The following FANCD2 variants were observed in gnomAD, a reference collection of about 807,000 sequenced individuals.
FANCD2 encodes the protein FA complementation group D2, also known as Fanconi anemia group D2 protein.
FANCD2 carries 131 observed loss-of-function variants against 192.3 expected under a neutral mutation model. That is an observed-to-expected ratio of 0.68 (90% CI 0.59 to 0.79). The LOEUF is 0.79. FANCD2 is among the 30% of genes least tolerant of loss of function. The pLI, the probability that FANCD2 is intolerant of heterozygous loss-of-function variation, is 0.00. For missense variants in FANCD2, 1,508 were observed against 1,701.6 expected (o/e 0.89, Z 2.00); for synonymous variants, 524 against 612.5 (o/e 0.86, Z 2.13).
rs1007481549 is a variant in FANCD2, at chr3:10,088,543, G to A, written c.3560+1G>A. On this transcript the variant is annotated splice_donor_variant, in intron 35 of 43. Transcript: ENST00000675286. LOFTEE classifies it high-confidence loss of function. ...ATGACCAGCTCCATGCTCTGCTCTG[G>A]TGAGATGTTTGGTTTCTTCCAATGA... 11 of 1,593,552 alleles carry A rather than the reference G, an allele frequency of 6.9e-6. No homozygotes were observed. The highest frequency in any genetic ancestry group is 7.8e-6 in the Non-Finnish European group (9 of 1,161,280).
intron 15 of FANCD2, among the ~76,000 whole-genome samples, 196 bp from the exon 16 acceptor site, chr3:10,047,721 G>T (rs995083574): frequency 2.0e-5 from 3 of 152,200 alleles, no homozygotes; most frequent in African/African-American, 7.2e-5. Flanking sequence ...ATCCAAACGT[G>T]GAATCCCATT....
rs368886461 is a variant in FANCD2 at position 10,101,227 on chromosome 3, C to A, written c.4321C>A (p.Gln1441Lys). The change falls in exon 44 of 44, where the codon CAA becomes AAA. Residue 1441 changes from glutamine to lysine, a missense_variant. Gln to Lys is a moderately conservative substitution (Grantham distance 53, BLOSUM62 1). Around this residue, in one of 5 missense-constraint regions of FANCD2, gnomAD observed 796 missense variants for 879.4 expected, o/e 0.91. Transcript: ENST00000675286. The stretch of plus-strand genomic sequence containing the variant: ...CGAAGTAAGTGCTGGAGAAAAGGAG[C>A]AAGATAGTGATGAGAGTTATGATGA... ...EDEVSAGEKE[Q>K]DSDESYDDSD 1.5e-5 allele frequency: 24 copies of A among 1,613,170 alleles called. No homozygotes were observed. The highest frequency in any genetic ancestry group is 1.6e-4 in the Middle Eastern group (1 of 6,082).
At chr3:10,082,524 G>C (rs998076032) in intron 32 of FANCD2, among the ~76,000 whole-genome samples, 26 of 152,036 alleles carry the variant, frequency 1.7e-4, no homozygotes, top group African/African-American at 6.3e-4. Flanking sequence ...GTCTTCTTCT[G>C]ACTCCTGCTA....
rs893500006 is a variant in FANCD2 at position 10,078,156 on chromosome 3, A to G, written c.2935A>G (p.Met979Val). The G allele has an allele frequency of 3.7e-6, 6 of 1,613,534 alleles. No homozygotes were observed. Among genetic ancestry groups the G allele is most frequent in the Non-Finnish European group, 5.1e-6 (6 of 1,179,654 alleles). Residue 979 changes from methionine to valine, a missense_variant, in exon 30 of 44, where the codon ATG (methionine) becomes GTG (valine). Physicochemically the swap from Met to Val is conservative, Grantham distance 21. Coordinates refer to ENST00000675286, the MANE Select transcript of FANCD2 (RefSeq NM_001018115.3). ...LEDLSQKLES[M>V]LTPPIARRVP... The stretch of plus-strand genomic sequence containing the variant: ...AGATCTCTCCCAGAAGCTGGAGAGT[A>G]TGCTGACACCTCCTATTGCCAGGAG...
At chr3:10,054,419 A>ACG (rs2087326281) in intron 18 of FANCD2, among the ~76,000 whole-genome samples, 2 of 91,950 alleles carry the variant, frequency 2.2e-5, no homozygotes, top group Non-Finnish European at 1.9e-5. Context: ...ACGTATATAC[A>ACG]TATATACATG....
chr3:10,086,073 A>G lies in FANCD2; in HGVS notation c.3335+151A>G, dbSNP rs55736797. ...TCCTCATATATGAGCTTTCTCATCTATGTATTCTGATAAATCCTGAAGTAT... is the reference window on the plus strand; with the variant it reads ...TCCTCATATATGAGCTTTCTCATCTGTGTATTCTGATAAATCCTGAAGTAT... On this transcript the variant is annotated intron_variant, in intron 33 of 43. Coordinates refer to ENST00000675286, the MANE Select transcript of FANCD2 (RefSeq NM_001018115.3). 2.4e-4 allele frequency: 162 copies of G among 672,724 alleles called. No homozygotes were observed. In the African/African-American group the frequency reaches 2.7e-3, roughly 11 times the overall value. 41.7% of individuals were successfully genotyped at this position (672,724 alleles called of 1,614,324 possible).
Position 10,101,545 on chromosome 3 carries a change from C to G in FANCD2, c.*283C>G. ...GGACGACAGGCACATGCCACCATGCCCAGCTAATTTTTGTATTTTTAGTAG... is the reference window on the plus strand; with the variant it reads ...GGACGACAGGCACATGCCACCATGCGCAGCTAATTTTTGTATTTTTAGTAG... On this transcript the variant is annotated 3_prime_UTR_variant, in exon 44 of 44. Transcript: ENST00000675286. The G allele has an allele frequency of 2.3e-6, 1 of 427,866 alleles. No homozygotes were observed. Among genetic ancestry groups the G allele is most frequent in the East Asian group, 4.1e-5 (1 of 24,646 alleles). The allele number at this position is 427,866 out of a possible 1,614,324, so 26.5% of individuals were successfully genotyped here.
chr3:10,057,887 C>T (rs1425121921), intron 18 of FANCD2: 1 of 191,714 alleles, frequency 5.2e-6, no homozygotes, highest in African/African-American at 2.4e-5. Context: ...GATCTGAATT[C>T]TGGTGTATGA....
At chr3:10,027,905 A>C (rs950726567) in intron 1 of FANCD2, among the ~76,000 whole-genome samples, 1 of 87,172 alleles carries the variant, frequency 1.1e-5, no homozygotes, top group Non-Finnish European at 2.2e-5. Context: ...ACTCCGTCTC[A>C]AAAAAAAAAA....
At chr3:10,067,950 A>C (rs965490103) in intron 26 of FANCD2, among the ~76,000 whole-genome samples, 4 of 151,784 alleles carry the variant, frequency 2.6e-5, no homozygotes, top group Non-Finnish European at 5.9e-5. Flanking sequence ...TTGATGCTTA[A>C]AAAAATTTTA....
intron 30 of FANCD2, 87 bp from the exon 31 acceptor site, chr3:10,081,013 C>T (rs2125059218): frequency 6.9e-7 from 1 of 1,450,816 alleles, no homozygotes; most frequent in Non-Finnish European, 9.6e-7. Context: ...CCTGGTGACA[C>T]AGGTTTGACT....
intron 32 of FANCD2, among the ~76,000 whole-genome samples, chr3:10,082,096 C>T (rs549514385): frequency 6.6e-6 from 1 of 152,330 alleles, no homozygotes; most frequent in Non-Finnish European, 1.5e-5. Context: ...GGCATTGACA[C>T]CTCACACTCC....
chr3:10,100,142 C>T (rs565445624), intron 43 of FANCD2, among the ~76,000 whole-genome samples: 1 of 152,014 alleles, frequency 6.6e-6, no homozygotes, highest in Non-Finnish European at 1.5e-5. Flanking sequence ...GAGCCATCAT[C>T]ACACTCCAGC....
rs779249492 is a variant in FANCD2, at chr3:10,062,172, C to A, written c.1788C>A (p.Thr596=). The stretch of plus-strand genomic sequence containing the variant: ...TTAGAAGTGAATCACCTAGTTTGAC[C>A]CAAGAGAGAGCCAACCTGAGCGATG... The part of the protein sequence containing the change: ...AADRSESPSL[T]QERANLSDEQ... Residue 596 remains threonine (T), a synonymous_variant, in exon 20 of 44, where the codon ACC becomes ACA. Coordinates refer to ENST00000675286, the MANE Select transcript of FANCD2 (RefSeq NM_001018115.3). 4 of 1,612,566 alleles carry A rather than the reference C, an allele frequency of 2.5e-6. No homozygotes were observed. The South Asian group carries it at 3.3e-5, about 13-fold the overall frequency.
At chr3:10,077,985 A>G (rs1280753651) in intron 29 of FANCD2, 96 bp from the exon 30 acceptor site, 10 of 861,344 alleles carry the variant, frequency 1.2e-5, no homozygotes, top group Non-Finnish European at 8.0e-6. Flanking sequence ...AATAGCTATG[A>G]TCTTGCCACT....
intron 9 of FANCD2, chr3:10,040,288 G>A (rs1033822273): frequency 4.8e-5 from 16 of 335,160 alleles, no homozygotes; most frequent in Admixed American, 1.3e-4. Context: ...CGCCCTCCTC[G>A]GCCTCCCAGA....
intron 37 of FANCD2, among the ~76,000 whole-genome samples, chr3:10,091,815 C>G (rs1694627948): frequency 6.6e-6 from 1 of 152,200 alleles, no homozygotes; most frequent in Non-Finnish European, 1.5e-5. Context: ...GCAACTACCA[C>G]CGGGTGCAGT....
chr3:10,054,054 A>G (rs981541109), intron 18 of FANCD2, among the ~76,000 whole-genome samples: 1 of 151,788 alleles, frequency 6.6e-6, no homozygotes, highest in Non-Finnish European at 1.5e-5. Flanking sequence ...CTACAAAAAC[A>G]TAGAAAAATT....
At chr3:10,057,718 A>G (rs926015119) in intron 18 of FANCD2, among the ~76,000 whole-genome samples, 1 of 152,200 alleles carries the variant, frequency 6.6e-6, no homozygotes, top group African/African-American at 2.4e-5. Flanking sequence ...AACATTACTA[A>G]CAAAGTCTAA....
Sources: allele counts gnomAD v4.1 joint callset (sites outside exome capture counted in the v4.1 genomes callset), GRCh38; gene constraint gnomAD v4.1.1; regional missense constraint gnomAD v4.1.1; transcripts MANE v1.5; gene names NCBI Gene and HGNC (gene_info 2026-07-23, HGNC 2026-07-21).